The following RABL6 variants were observed in gnomAD, a reference collection of about 807,000 sequenced individuals.
RABL6 encodes the protein rab-like protein 6.
A neutral mutation model predicts 72.9 loss-of-function variants in RABL6; 28 were observed. That is an observed-to-expected ratio of 0.38 (90% CI 0.28 to 0.53). RABL6 has a LOEUF of 0.53. Ranked by LOEUF, RABL6 falls within the 20% of genes least tolerant of loss-of-function variation. The pLI, the probability that RABL6 is intolerant of heterozygous loss-of-function variation, is 0.80. For missense variants in RABL6, 1,029 were observed against 1,008.4 expected, an observed-to-expected ratio of 1.02 and a Z score of -0.28; for synonymous variants, 477 against 421.2, an observed-to-expected ratio of 1.13 and a Z score of -1.62.
chr9:136,833,577 G>A, intron 7 of RABL6: 1 of 1,157,942 alleles, frequency 8.6e-7, no homozygotes, highest in Non-Finnish European at 1.2e-6. Flanking sequence ...TGCCCCAGCT[G>A]GGTCTGGGGA....
intron 1 of RABL6, among the ~76,000 whole-genome samples, chr9:136,812,302 G>A (rs1250317930): frequency 1.1e-4 from 17 of 152,280 alleles, no homozygotes; most frequent in Middle Eastern, 3.4e-3. Flanking sequence ...GCTCACACCT[G>A]TAATCCCAGC....
chr9:136,819,528 T>C (rs1373324287), intron 1 of RABL6, among the ~76,000 whole-genome samples: 1 of 151,982 alleles, frequency 6.6e-6, no homozygotes, highest in Non-Finnish European at 1.5e-5. Context: ...CTATGTGGTG[T>C]ATAAGAGACA....
At chr9:136,809,057 A>T (rs1324301274) in intron 1 of RABL6, 1 of 152,140 alleles carries the variant, frequency 6.6e-6, no homozygotes. Context: ...CTTTCCCAGT[A>T]GTTTTTGAAA....
chr9:136,823,748 G>A (rs1009387794), intron 2 of RABL6, 89 bp downstream of exon 2: 2 of 1,441,936 alleles, frequency 1.4e-6, no homozygotes, highest in Non-Finnish European at 1.8e-6. Flanking sequence ...CCCAGAGGGG[G>A]TCTCCCCGAA....
chr9:136,828,428 C>T, intron 3 of RABL6, 66 bp from the exon 4 acceptor site: 2 of 1,549,916 alleles, frequency 1.3e-6, no homozygotes, highest in Non-Finnish European at 1.8e-6. Context: ...ATGGGGGGAC[C>T]ATGCTCCTCC....
rs529925483 is a variant in RABL6 at position 136,823,041 on chromosome 9, T to C, written c.131-484T>C. Among the ~76,000 whole-genome samples, 8 of 144,104 alleles carry C rather than the reference T, an allele frequency of 5.6e-5. No homozygotes were observed. In the South Asian group the frequency reaches 1.1e-3, roughly 20 times the overall value. 94.5% of individuals were successfully genotyped at this position (144,104 alleles called of 152,430 possible). On this transcript the variant is annotated intron_variant, in intron 1 of 14. Transcript: ENST00000311502. ...AGGTGGAGCTTGCAGTGAGCCGAGATAGCACCACTGCAGTACGGCCTGGGC... is the reference window on the plus strand; with the variant it reads ...AGGTGGAGCTTGCAGTGAGCCGAGACAGCACCACTGCAGTACGGCCTGGGC...
Position 136,841,145 on chromosome 9 carries a change from CAA to C in RABL6, c.*625_*626del, listed in dbSNP as rs1168936826. 2.1e-6 allele frequency: 2 copies of C among 936,314 alleles called. No homozygotes were observed. The highest frequency in any genetic ancestry group is 1.5e-6 in the Non-Finnish European group (1 of 672,532). The allele number at this position is 936,314 out of a possible 1,614,324, so 58.0% of individuals were successfully genotyped here. A position where few individuals can be genotyped will look rare whatever the true frequency, so the allele number is the denominator to read the frequency against. ...GGCAGGAGCCGGGAGGCACTCCTCC[CAA>C]ACACTCCACTCAGACCATAAAGCAC... On this transcript the variant is annotated 3_prime_UTR_variant, in exon 15 of 15. Transcript: ENST00000311502.
intron 4 of RABL6, among the ~76,000 whole-genome samples, chr9:136,828,890 C>T (rs771628958): frequency 1.8e-4 from 28 of 152,340 alleles, no homozygotes; most frequent in Non-Finnish European, 2.9e-4. Context: ...GCGTGAGTTT[C>T]GCTCACCGGA....
chr9:136,840,519 C>G lies in RABL6; in HGVS notation c.2187C>G (p.Leu729=), dbSNP rs1448085817. ...CTGGGGGTGGCGACTACGAGGAGCT[C>G]TAGGCCGGCGTGGGCAGTGGCCGCC... ...RHPGGGDYEE[L] is the part of the protein sequence containing the mutation. Residue 729 remains leucine, a synonymous_variant, in exon 15 of 15, where the codon CTC becomes CTG. Transcript: ENST00000311502. 1 of 1,540,494 alleles carries G rather than the reference C, an allele frequency of 6.5e-7. No homozygotes were observed. Among genetic ancestry groups the G allele is most frequent in the South Asian group, 1.2e-5 (1 of 83,376 alleles).
intron 1 of RABL6, among the ~76,000 whole-genome samples, chr9:136,812,628 T>C (rs1444154281): frequency 6.6e-6 from 1 of 152,188 alleles, no homozygotes; most frequent in East Asian, 1.9e-4. Flanking sequence ...GGTATTACCC[T>C]TGAAATGTTG....
chr9:136,820,083 C>G (rs1212621921), intron 1 of RABL6, among the ~76,000 whole-genome samples: 1 of 151,746 alleles, frequency 6.6e-6, no homozygotes, highest in Non-Finnish European at 1.5e-5. Context: ...CCTGTAGTCC[C>G]AGCTACTTGG....
intron 7 of RABL6, chr9:136,834,011 T>C (rs570642531): frequency 2.7e-6 from 4 of 1,489,118 alleles, no homozygotes; most frequent in East Asian, 2.5e-5. Context: ...AACGGGACCC[T>C]GGACAGAGTC....
rs117285739 is a variant in RABL6 at position 136,823,924 on chromosome 9, C to T, written c.265+265C>T. Among the ~76,000 whole-genome samples, 93 of 152,338 alleles carry T rather than the reference C, an allele frequency of 6.1e-4. No individual in the cohort carries two copies. In the East Asian group the frequency reaches 0.017, roughly 28 times the overall value. On this transcript the variant is annotated intron_variant, in intron 2 of 14. Transcript: ENST00000311502. ...GGCCGCAGGTGAGTGGGCACGCGGG[C>T]GCCTCGGGGGCTGAAAAGAGGTACA...
rs977398535 is a variant in RABL6 at position 136,840,563 on chromosome 9, C to T, written c.*41C>T. 4.5e-6 allele frequency: 7 copies of T among 1,547,964 alleles called. No homozygotes were observed. The East Asian group carries it at 1.5e-4, about 32-fold the overall frequency. ...GGCCGCCCTGGGGCGGGGGGCGTGC[C>T]TGTCACTGCCTGGGGAGGCATTTGC... is the stretch of plus-strand genomic sequence containing the variant. On this transcript the variant is annotated 3_prime_UTR_variant, in exon 15 of 15. Coordinates refer to ENST00000311502, the MANE Select transcript of RABL6 (RefSeq NM_024718.5).
chr9:136,838,647 C>T (rs545377755), intron 10 of RABL6, among the ~76,000 whole-genome samples: 18 of 152,294 alleles, frequency 1.2e-4, no homozygotes, highest in South Asian at 4.1e-4. Flanking sequence ...GCCTCCTCCA[C>T]GAGCGCCCAC....
At chr9:136,817,521 G>A (rs529888527) in intron 1 of RABL6, among the ~76,000 whole-genome samples, 55 of 149,406 alleles carry the variant, frequency 3.7e-4, no homozygotes, top group Admixed American at 2.6e-3. Context: ...AGGGGAGGCC[G>A]ACGTGGGCTG....
At chr9:136,817,502 C>T (rs7854047) in intron 1 of RABL6, among the ~76,000 whole-genome samples, 8,870 of 150,718 alleles carry the variant, frequency 0.059, 690 homozygotes, top group African/African-American at 0.17. Flanking sequence ...GGGAGGCCGA[C>T]GTGGGCTGAG....
At chr9:136,824,252 C>T (rs931269709) in intron 2 of RABL6, among the ~76,000 whole-genome samples, 3 of 150,348 alleles carry the variant, frequency 2.0e-5, no homozygotes, top group Non-Finnish European at 4.4e-5. Flanking sequence ...CCTGTGTGTT[C>T]AGAATCGTGA....
At chr9:136,833,699 G>A (rs1287930498) in intron 7 of RABL6, 2 of 1,549,590 alleles carry the variant, frequency 1.3e-6, no homozygotes, top group Non-Finnish European at 1.7e-6. Flanking sequence ...TGCAGCTGCA[G>A]CAGCCTTGGT....
Sources: allele counts gnomAD v4.1 joint callset (sites outside exome capture counted in the v4.1 genomes callset), GRCh38; gene constraint gnomAD v4.1.1; transcripts MANE v1.5; gene names NCBI Gene and HGNC (gene_info 2026-07-23, HGNC 2026-07-21).